VWF: variants seen among roughly 807,000 people sequenced by gnomAD.
VWF encodes the protein von Willebrand factor, also known as Factor VIII related antigen.
VWF carries 176 observed loss-of-function variants against 308.6 expected under a neutral mutation model. The observed-to-expected ratio is 0.57, with a 90% CI of 0.50 to 0.65. VWF has a LOEUF of 0.65. VWF is among the 30% of genes least tolerant of loss of function. The probability of loss-of-function intolerance (pLI) is 0.00; values close to 1 mark genes in which losing one functional copy is unlikely to be tolerated. For missense variants in VWF, 3,146 were observed against 3,648.2 expected (o/e 0.86, Z 3.55); for synonymous variants, 1,385 against 1,443.4 (o/e 0.96, Z 0.92).
At chr12:6,098,073 C>T (rs1460333244) in intron 5 of VWF, among the ~76,000 whole-genome samples, 1 of 152,162 alleles carries the variant, frequency 6.6e-6, no homozygotes, top group Non-Finnish European at 1.5e-5. Context: ...TGAAACGAGA[C>T]ATACACTGTC....
At chr12:5,994,340 G>C (rs1313996106) in intron 36 of VWF, 75 bp downstream of exon 36, 1 of 1,598,298 alleles carries the variant, frequency 6.3e-7, no homozygotes, top group Non-Finnish European at 8.6e-7. Context: ...AAGCATCCAA[G>C]AGCCTCAGAG....
At chr12:5,970,111 C>G (rs1943454355) in intron 44 of VWF, among the ~76,000 whole-genome samples, 1 of 152,132 alleles carries the variant, frequency 6.6e-6, no homozygotes, top group Non-Finnish European at 1.5e-5. Flanking sequence ...ACACTTGCAG[C>G]CATTCTCTTC....
rs143256856 is a variant in VWF at position 6,048,413 on chromosome 12, G to A, written c.2187-1596C>T. Among the ~76,000 whole-genome samples, 926 of 152,094 alleles carry A rather than the reference G, an allele frequency of 6.1e-3. 15 individuals carry two copies. The highest frequency in any genetic ancestry group is 0.021 in the African/African-American group (881 of 41,470). On this transcript the variant is annotated intron_variant, in intron 16 of 51. Transcript: ENST00000261405. ...GATCTCCTGACCTTGTGATCTACCC[G>A]CCTCAGCCTCCTACAGTGCTGGGAT...
intron 35 of VWF, 97 bp downstream of exon 35, chr12:5,995,905 T>C (rs1943802726): frequency 8.5e-7 from 1 of 1,172,854 alleles, no homozygotes; most frequent in African/African-American, 1.5e-5. Context: ...GCAGAGCTCC[T>C]AACAAGAGCA....
chr12:6,106,658 T>G (rs1274677963), intron 5 of VWF, among the ~76,000 whole-genome samples: 2 of 152,054 alleles, frequency 1.3e-5, no homozygotes, highest in Non-Finnish European at 2.9e-5. Flanking sequence ...GCGGATCACC[T>G]GAGGTCAGGA....
At chr12:6,108,837 C>G (rs1945272510) in intron 5 of VWF, among the ~76,000 whole-genome samples, 1 of 151,846 alleles carries the variant, frequency 6.6e-6, no homozygotes, top group Non-Finnish European at 1.5e-5. Flanking sequence ...AAAAATTAGC[C>G]AGGCATGGTG....
chr12:5,992,111 C>T (rs1392589798), intron 37 of VWF, 93 bp from the exon 38 acceptor site: 1 of 1,251,398 alleles, frequency 8.0e-7, no homozygotes, highest in Admixed American at 1.9e-5. Context: ...ATCAGACAAA[C>T]TTGCCAGGGC....
intron 3 of VWF, among the ~76,000 whole-genome samples, chr12:6,120,390 G>A (rs1032789114): frequency 6.7e-6 from 1 of 149,964 alleles, no homozygotes; most frequent in African/African-American, 2.5e-5. Context: ...TCAGCTTATT[G>A]CAACCAGGTT....
chr12:6,096,111 G>A (rs759816502), intron 5 of VWF: 3 of 76,572 alleles, frequency 3.9e-5, no homozygotes, highest in Non-Finnish European at 6.5e-5. Flanking sequence ...ATGGATAGAT[G>A]GATGGATGGA....
chr12:6,092,804 C>A (rs1410843596), intron 6 of VWF, among the ~76,000 whole-genome samples: 5 of 152,102 alleles, frequency 3.3e-5, no homozygotes, highest in African/African-American at 1.2e-4. Flanking sequence ...AATTTTAATG[C>A]ATTTAAATGT....
chr12:5,995,808 G>A (rs747440490), intron 35 of VWF, among the ~76,000 whole-genome samples, 194 bp downstream of exon 35: 7 of 152,088 alleles, frequency 4.6e-5, no homozygotes, highest in East Asian at 1.9e-4. Context: ...ATCTGAGCCC[G>A]GAACAACATG....
intron 6 of VWF, among the ~76,000 whole-genome samples, chr12:6,086,635 G>A (rs752978717): frequency 2.0e-5 from 3 of 152,182 alleles, no homozygotes; most frequent in Non-Finnish European, 4.4e-5. Flanking sequence ...GGAGAAGAAG[G>A]AGGGAAGGCA....
At chr12:6,023,086 T>A (rs1944147694) in intron 25 of VWF, among the ~76,000 whole-genome samples, 188 bp from the exon 26 acceptor site, 1 of 151,908 alleles carries the variant, frequency 6.6e-6, no homozygotes, top group African/African-American at 2.4e-5. Context: ...CTGAATTCAT[T>A]TCTTTTTTTA....
Position 6,073,603 on chromosome 12 carries a change from G to A in VWF, c.997+16C>T. 1.2e-6 allele frequency: 2 copies of A among 1,613,930 alleles called. No individual in the cohort carries two copies. The highest frequency in any genetic ancestry group is 1.1e-5 in the South Asian group (1 of 91,076). ...GCAAGGTCTCTGATCTGTAAATAAA[G>A]TGGGAAGTTCATTACCAGGGCAGCT... On this transcript the variant is annotated intron_variant, in intron 8 of 51. Coordinates refer to ENST00000261405, the MANE Select transcript of VWF (RefSeq NM_000552.5).
chr12:5,994,104 G>T lies in VWF; in HGVS notation c.6356C>A (p.Pro2119Gln), dbSNP rs1295852546. 2.4e-5 allele frequency: 39 copies of T among 1,614,208 alleles called. No homozygotes were observed. Among genetic ancestry groups the T allele is most frequent in the Non-Finnish European group, 3.2e-5 (38 of 1,180,044 alleles). The change falls in exon 37 of 52, where the codon CCA becomes CAA. Residue 2119 changes from proline to glutamine, a missense_variant. Around this residue, in one of 3 missense-constraint regions of VWF, gnomAD observed 989 missense variants for 1,117.4 expected, o/e 0.89. Coordinates refer to ENST00000261405, the MANE Select transcript of VWF (RefSeq NM_000552.5). ...CAGGATGGGCTGGCACGTCTGCCCT[G>T]GCCGCTGCACAGTCCATTCCTGAAC... The part of the protein sequence containing the change: ...TLVQEWTVQR[P>Q]GQTCQPILEE...
rs75798655 is a variant in VWF at position 5,964,203 on chromosome 12, A to C, written c.7887+3283T>G. 2.9e-4 allele frequency among the ~76,000 whole-genome samples: 36 copies of C among 122,822 alleles called. 1 individual carries two copies. Among genetic ancestry groups the C allele is most frequent in the South Asian group, 1.0e-3 (4 of 3,924 alleles). 80.6% of individuals were successfully genotyped at this position (122,822 alleles called of 152,430 possible). A position where few individuals can be genotyped will look rare whatever the true frequency, so the allele number is the denominator to read the frequency against. On this transcript the variant is annotated intron_variant, in intron 47 of 51. Coordinates refer to ENST00000261405, the MANE Select transcript of VWF (RefSeq NM_000552.5). The stretch of plus-strand genomic sequence containing the variant: ...CTGCACTCCAGCCTGGGCGACAGAG[A>C]GAGACTCTGTCTAAAAATACATACA...
intron 43 of VWF, among the ~76,000 whole-genome samples, chr12:5,973,729 A>T (rs1670338221): frequency 6.6e-6 from 1 of 152,162 alleles, no homozygotes; most frequent in Non-Finnish European, 1.5e-5. Flanking sequence ...CTTCCTGAGG[A>T]GTATCACAGA....
chr12:6,081,500 C>CAGCT (rs1225722374), intron 6 of VWF, among the ~76,000 whole-genome samples: 1 of 152,132 alleles, frequency 6.6e-6, no homozygotes, highest in Admixed American at 6.5e-5. Context: ...CAACCATGCC[C>CAGCT]AGCTAATTTT....
At chr12:5,982,654 C>T (rs768475413) in intron 41 of VWF, among the ~76,000 whole-genome samples, 1 of 152,112 alleles carries the variant, frequency 6.6e-6, no homozygotes, top group Non-Finnish European at 1.5e-5. Flanking sequence ...TGGGGATTCT[C>T]GGGAGGTAAA....
Sources: allele counts gnomAD v4.1 joint callset (sites outside exome capture counted in the v4.1 genomes callset), GRCh38; gene constraint gnomAD v4.1.1; regional missense constraint gnomAD v4.1.1; transcripts MANE v1.5; gene names NCBI Gene and HGNC (gene_info 2026-07-23, HGNC 2026-07-21).